SKA2: variants seen among roughly 807,000 people sequenced by gnomAD.
SKA2 encodes spindle and kinetochore-associated protein 2.
SKA2 carries 13 observed loss-of-function variants against 16.9 expected under a neutral mutation model. The observed-to-expected ratio is 0.77, with a 90% CI of 0.50 to 1.22. The LOEUF (loss-of-function observed/expected upper bound fraction) is 1.22, where lower values mean the gene tolerates loss of function less well. SKA2 is among the 50% of genes most tolerant of loss of function. The pLI is 0.00. For missense variants in SKA2, 107 were observed against 139.7 expected, an observed-to-expected ratio of 0.77 and a Z score of 1.18; for synonymous variants, 47 against 48.5, an observed-to-expected ratio of 0.97 and a Z score of 0.13.
chr17:59,134,888 G>A (rs944671047), intron 1 of SKA2, among the ~76,000 whole-genome samples: 1 of 151,872 alleles, frequency 6.6e-6, no homozygotes, highest in African/African-American at 2.4e-5. Context: ...AAGCAGGAGT[G>A]CAGTGGCAAC....
chr17:59,116,762 T>G (rs186642211), intron 3 of SKA2, among the ~76,000 whole-genome samples: 1 of 151,584 alleles, frequency 6.6e-6, no homozygotes, highest in South Asian at 2.1e-4. Flanking sequence ...AAATAACCTT[T>G]TGGTTATTTT....
chr17:59,151,756 C>T (rs955005808), intron 1 of SKA2: 3 of 154,020 alleles, frequency 1.9e-5, no homozygotes, highest in African/African-American at 7.2e-5. Flanking sequence ...AAAGAAAACA[C>T]AAAAGCACTT....
chr17:59,123,029 A>G (rs2046345962), intron 2 of SKA2, among the ~76,000 whole-genome samples: 1 of 150,866 alleles, frequency 6.6e-6, no homozygotes, highest in African/African-American at 2.4e-5. Context: ...CTCAAAAAAA[A>G]AAAAAAAAAA....
At chr17:59,146,981 G>A (rs1423962436) in intron 1 of SKA2, among the ~76,000 whole-genome samples, 1 of 152,038 alleles carries the variant, frequency 6.6e-6, no homozygotes, top group East Asian at 1.9e-4. Flanking sequence ...ATCTGGGATG[G>A]TCTTTTTTTC....
intron 2 of SKA2, among the ~76,000 whole-genome samples, chr17:59,127,201 T>C (rs988953937): frequency 6.6e-6 from 1 of 152,126 alleles, no homozygotes; most frequent in East Asian, 1.9e-4. Flanking sequence ...TGTACAATAA[T>C]GTGAATGTAG....
At chr17:59,146,582 T>C (rs2046534054) in intron 1 of SKA2, among the ~76,000 whole-genome samples, 2 of 152,248 alleles carry the variant, frequency 1.3e-5, no homozygotes. Flanking sequence ...TAAAATGTTA[T>C]ATATTGAGAT....
intron 2 of SKA2, 49 bp downstream of exon 2, chr17:59,131,232 T>C: frequency 7.7e-7 from 1 of 1,290,602 alleles, no homozygotes; most frequent in Non-Finnish European, 1.1e-6. Flanking sequence ...AATTCTAAAG[T>C]ATTCAGTTAA....
intron 2 of SKA2, among the ~76,000 whole-genome samples, chr17:59,121,854 C>A (rs2046337184): frequency 6.8e-6 from 1 of 148,040 alleles, no homozygotes; most frequent in Admixed American, 6.8e-5. Flanking sequence ...CGCCTGTAGT[C>A]CCAGCTACTC....
At chr17:59,137,467 A>C (rs2046454378) in intron 1 of SKA2, among the ~76,000 whole-genome samples, 1 of 152,210 alleles carries the variant, frequency 6.6e-6, no homozygotes, top group Non-Finnish European at 1.5e-5. Context: ...TACATGGTAG[A>C]AATTCTAGTC....
intron 2 of SKA2, among the ~76,000 whole-genome samples, chr17:59,126,706 A>G (rs950642407): frequency 6.6e-6 from 1 of 152,222 alleles, no homozygotes; most frequent in Non-Finnish European, 1.5e-5. Context: ...TTAAAAAGTC[A>G]TATTTCCTCA....
intron 3 of SKA2, among the ~76,000 whole-genome samples, chr17:59,114,479 G>T (rs1358625560): frequency 6.6e-6 from 1 of 152,170 alleles, no homozygotes; most frequent in African/African-American, 2.4e-5. Context: ...GAATACCGTA[G>T]GCAGTGGTAA....
At chr17:59,153,325 T>G (rs140767833) in intron 1 of SKA2, among the ~76,000 whole-genome samples, 20 of 151,802 alleles carry the variant, frequency 1.3e-4, no homozygotes, top group Non-Finnish European at 2.1e-4. Context: ...TAACATTTTG[T>G]TTTTTTTAAA....
At chr17:59,127,385 ATTTCTTTTCT>A (rs576003827) in intron 2 of SKA2, among the ~76,000 whole-genome samples, 2 of 151,934 alleles carry the variant, frequency 1.3e-5, no homozygotes, top group Non-Finnish European at 2.9e-5. Flanking sequence ...TTTTACTACA[ATTTCTTTTCT>A]TTTCTTTTCT....
rs1354173524 is a variant in SKA2 at position 59,119,437 on chromosome 17, A to G, written c.179T>C (p.Leu60Ser). The stretch of plus-strand genomic sequence containing the variant: ...AGCAACTGGTTTAAAGCGGGCATAC[A>G]AAGTTTGATATCGAGACTTTATCAC... The part of the protein sequence containing the change: ...LSVIKSRYQT[L>S]YARFKPVAVE... The change falls in exon 3 of 4, where the codon TTG (leucine) becomes TCG (serine). Residue 60 changes from leucine to serine, a missense_variant. By Grantham distance (145) the Leu-to-Ser change is moderately radical. Transcript: ENST00000330137. 1 of 1,614,028 alleles carries G rather than the reference A, an allele frequency of 6.2e-7. No individual in the cohort carries two copies. Among genetic ancestry groups the G allele is most frequent in the Non-Finnish European group, 8.5e-7 (1 of 1,179,894 alleles).
chr17:59,127,445 A>G (rs1042696764), intron 2 of SKA2, among the ~76,000 whole-genome samples: 3 of 152,120 alleles, frequency 2.0e-5, no homozygotes, highest in South Asian at 4.1e-4. Flanking sequence ...CTGGAGTTCA[A>G]TGGCGCAATC....
At chr17:59,113,807 C>G (rs569265568) in intron 3 of SKA2, among the ~76,000 whole-genome samples, 1 of 144,446 alleles carries the variant, frequency 6.9e-6, no homozygotes, top group African/African-American at 2.6e-5. Context: ...GCCTGGGCGA[C>G]AAGAGTGAAA....
At chr17:59,128,224 AAAAG>A (rs2147803748) in intron 2 of SKA2, among the ~76,000 whole-genome samples, 1 of 152,014 alleles carries the variant, frequency 6.6e-6, no homozygotes, top group South Asian at 2.1e-4. Context: ...CAGAAAAAAA[AAAAG>A]AGAGAGAAAA....
chr17:59,138,148 AGG>A (rs1486471693), intron 1 of SKA2, among the ~76,000 whole-genome samples: 2 of 152,210 alleles, frequency 1.3e-5, no homozygotes, highest in East Asian at 3.9e-4. Flanking sequence ...ATAAAAATAA[AGG>A]GGAAAAGTTT....
chr17:59,127,564 T>C (rs2046380366), intron 2 of SKA2, among the ~76,000 whole-genome samples: 1 of 152,102 alleles, frequency 6.6e-6, no homozygotes, highest in East Asian at 1.9e-4. Flanking sequence ...AATTTTGTAT[T>C]TTTAGTAGAG....
Sources: allele counts gnomAD v4.1 joint callset (sites outside exome capture counted in the v4.1 genomes callset), GRCh38; gene constraint gnomAD v4.1.1; transcripts MANE v1.5; gene names NCBI Gene and HGNC (gene_info 2026-07-23, HGNC 2026-07-21).